The following EPHA4 variants were observed in gnomAD, a reference collection of about 807,000 sequenced individuals.
EPHA4 encodes ephrin type-A receptor 4.
A neutral mutation model predicts 108.3 loss-of-function variants in EPHA4; 19 were observed. The ratio of observed to expected loss-of-function variants is 0.18; its 90% CI spans 0.12 to 0.26. The LOEUF is 0.26. Among genes scored for constraint, EPHA4 ranks in the 10% least tolerant of loss-of-function variants. EPHA4 has a pLI of 1.00. For missense variants in EPHA4, 917 were observed against 1,254.0 expected, an observed-to-expected ratio of 0.73 and a Z score of 4.06; for synonymous variants, 449 against 455.5, an observed-to-expected ratio of 0.99 and a Z score of 0.18.
intron 5 of EPHA4, among the ~76,000 whole-genome samples, chr2:221,458,799 C>T (rs924886891): frequency 7.2e-5 from 11 of 152,172 alleles, no homozygotes; most frequent in African/African-American, 2.7e-4. Context: ...TGTTATCAGG[C>T]TCTGCTGACA....
intron 3 of EPHA4, among the ~76,000 whole-genome samples, chr2:221,514,481 G>A (rs1036523767): frequency 6.6e-6 from 1 of 152,194 alleles, no homozygotes. Context: ...TTGGCAGCCT[G>A]AGCATTCTCT....
chr2:221,547,650 C>T (rs1228858354), intron 3 of EPHA4, among the ~76,000 whole-genome samples: 1 of 152,202 alleles, frequency 6.6e-6, no homozygotes, highest in Non-Finnish European at 1.5e-5. Flanking sequence ...GCACTCTTAA[C>T]AAGTCAATCA....
chr2:221,467,937 A>G (rs1397333823), intron 5 of EPHA4, among the ~76,000 whole-genome samples: 1 of 152,172 alleles, frequency 6.6e-6, no homozygotes, highest in African/African-American at 2.4e-5. Flanking sequence ...AAGTCTTTCC[A>G]CTGGAAGGCA....
At position 221,533,790 on chromosome 2, in the gene EPHA4, A is replaced by G. The variant is rs180970247; in HGVS notation, c.823+29941T>C. ...AGGATTCAGATTATAAAGATCAGAG[A>G]GAGAATCTCTCCCTTATGAAAATCC... On this transcript the variant is annotated intron_variant, in intron 3 of 17. Coordinates refer to ENST00000281821, the MANE Select transcript of EPHA4 (RefSeq NM_004438.5). 1.1e-4 allele frequency among the ~76,000 whole-genome samples: 17 copies of G among 150,672 alleles called. No individual in the cohort carries two copies. In the East Asian group the frequency reaches 3.3e-3, roughly 30 times the overall value.
chr2:221,450,698 A>G (rs994280138), intron 8 of EPHA4, among the ~76,000 whole-genome samples: 1 of 152,068 alleles, frequency 6.6e-6, no homozygotes, highest in African/African-American at 2.4e-5. Context: ...CTTAAAATCA[A>G]TTCACTTCTT....
intron 3 of EPHA4, among the ~76,000 whole-genome samples, chr2:221,519,116 C>A (rs1693082824): frequency 6.6e-6 from 1 of 152,102 alleles, no homozygotes; most frequent in Admixed American, 6.5e-5. Flanking sequence ...TAGTCACACC[C>A]TCCCACATAC....
intron 15 of EPHA4, 63 bp downstream of exon 15, chr2:221,429,895 A>AC: frequency 6.4e-7 from 1 of 1,569,534 alleles, no homozygotes; most frequent in South Asian, 1.2e-5. Flanking sequence ...TAAGTGAGTC[A>AC]CCACTTGCCT....
chr2:221,536,956 C>T (rs1191745802), intron 3 of EPHA4, among the ~76,000 whole-genome samples: 1 of 152,210 alleles, frequency 6.6e-6, no homozygotes, highest in Non-Finnish European at 1.5e-5. Flanking sequence ...AAGCCAAGTT[C>T]TCATCAGGTA....
In EPHA4 at chr2:221,418,256, C is replaced by T. The variant is rs542051267; in HGVS notation, c.*3116G>A. On this transcript the variant is annotated 3_prime_UTR_variant, in exon 18 of 18. Coordinates refer to ENST00000281821, the MANE Select transcript of EPHA4 (RefSeq NM_004438.5). ...CACTCAAAGTTTGGAACGTGTGAAC[C>T]GAACAATGTTCTGTTAATTTCTTAT... The T allele has an allele frequency of 5.9e-5, 9 of 152,632 alleles. No individual in the cohort carries two copies. The allele number at this position is 152,632 out of a possible 1,614,324, so 9.5% of individuals were successfully genotyped here. A position where few individuals can be genotyped will look rare whatever the true frequency, so the allele number is the denominator to read the frequency against.
Position 221,564,227 on chromosome 2 carries a change from A to G in EPHA4, c.327T>C (p.Asn109=), listed in dbSNP as rs112943752. ...IEIKFTLRDC[N]SLPGVMGTCK... Reference sequence around the variant, plus strand: ...AAGTCCCCATGACGCCCGGAAGACTATTGCAGTCCCTCAAGGTGAATTTAA... The same window carrying G: ...AAGTCCCCATGACGCCCGGAAGACTGTTGCAGTCCCTCAAGGTGAATTTAA... Residue 109 remains asparagine, a synonymous_variant, in exon 3 of 18, where the codon AAT becomes AAC. Transcript: ENST00000281821. 5 of 1,614,036 alleles carry G rather than the reference A, an allele frequency of 3.1e-6. No individual in the cohort carries two copies. The highest frequency in any genetic ancestry group is 2.7e-5 in the African/African-American group (2 of 75,008).
intron 7 of EPHA4, among the ~76,000 whole-genome samples, 198 bp downstream of exon 7, chr2:221,456,415 C>T (rs569010803): frequency 1.9e-4 from 29 of 152,244 alleles, no homozygotes; most frequent in African/African-American, 6.5e-4. Context: ...ATCAGTATTT[C>T]GAAAATGCTT....
At chr2:221,423,075 A>G (rs1405593231) in intron 17 of EPHA4, among the ~76,000 whole-genome samples, 1 of 152,236 alleles carries the variant, frequency 6.6e-6, no homozygotes, top group Non-Finnish European at 1.5e-5. Flanking sequence ...TTGGGGTTAC[A>G]AGTGAAAGAC....
In EPHA4 at chr2:221,572,302, C is replaced by A. The variant is rs1370736954; in HGVS notation, c.-54G>T. On this transcript the variant is annotated 5_prime_UTR_variant, in exon 1 of 18. Transcript: ENST00000281821. ...CGCTTCTATCCCAGTGGAATAAATG[C>A]TTAAGTTAGGAGAGCAGCGGGCTGA... 2.7e-6 allele frequency: 4 copies of A among 1,502,784 alleles called. No individual in the cohort carries two copies. In the East Asian group the frequency reaches 9.0e-5, roughly 34 times the overall value. The allele number at this position is 1,502,784 out of a possible 1,614,324, so 93.1% of individuals were successfully genotyped here.
At chr2:221,528,590 T>C (rs1463373228) in intron 3 of EPHA4, among the ~76,000 whole-genome samples, 1 of 152,220 alleles carries the variant, frequency 6.6e-6, no homozygotes, top group African/African-American at 2.4e-5. Flanking sequence ...CAGTACCTCA[T>C]TTAATTAACT....
chr2:221,502,879 C>T (rs569350615), intron 3 of EPHA4, among the ~76,000 whole-genome samples: 12 of 152,264 alleles, frequency 7.9e-5, no homozygotes, highest in Admixed American at 6.5e-4. Context: ...TTCACTGGAC[C>T]GGAGCATCTT....
At chr2:221,497,582 CA>C (rs1692336422) in intron 4 of EPHA4, among the ~76,000 whole-genome samples, 1 of 151,764 alleles carries the variant, frequency 6.6e-6, no homozygotes, top group African/African-American at 2.4e-5. Context: ...CTACTAAAAA[CA>C]AAAACAAAAA....
chr2:221,455,391 G>T (rs933210239), intron 8 of EPHA4, among the ~76,000 whole-genome samples, 156 bp downstream of exon 8: 3 of 152,156 alleles, frequency 2.0e-5, no homozygotes, highest in African/African-American at 7.2e-5. Flanking sequence ...GCTTTGGTAG[G>T]GGTGTGGGAA....
rs557145554 is a variant in EPHA4 at position 221,516,349 on chromosome 2, A to G, written c.824-15177T>C. Among the ~76,000 whole-genome samples, 3 of 145,310 alleles carry G rather than the reference A, an allele frequency of 2.1e-5. 1 individual carries two copies. Among genetic ancestry groups the G allele is most frequent in the South Asian group, 2.2e-4 (1 of 4,622 alleles). On this transcript the variant is annotated intron_variant, in intron 3 of 17. Transcript: ENST00000281821. ...CGGTTCCCATGATCTGATAGATTCA[A>G]TGATTTTTTTTTTTTTTTTTTTTGA...
chr2:221,527,052 G>A (rs540120802), intron 3 of EPHA4, among the ~76,000 whole-genome samples: 16 of 150,722 alleles, frequency 1.1e-4, no homozygotes, highest in African/African-American at 3.7e-4. Context: ...GCGTGAACCC[G>A]GGCGGAGCTT....
Sources: gnomAD v4.1 joint callset for allele counts (sites outside exome capture counted in the v4.1 genomes callset) on GRCh38, gnomAD v4.1.1 for gene constraint, MANE v1.5 for transcripts, NCBI Gene and HGNC (gene_info 2026-07-23, HGNC 2026-07-21) for gene names.